The following CIT variants were observed in gnomAD, a reference collection of about 807,000 sequenced individuals.
CIT encodes citron rho-interacting serine/threonine kinase, also known as citron Rho-interacting kinase.
A neutral mutation model predicts 272.7 loss-of-function variants in CIT; 79 were observed. That is an observed-to-expected ratio of 0.29 (90% confidence interval 0.24 to 0.35). The LOEUF (loss-of-function observed/expected upper bound fraction) is 0.35, where lower values mean the gene tolerates loss of function less well. Among genes scored for constraint, CIT ranks in the 10% least tolerant of loss-of-function variants. CIT has a pLI of 1.00. For missense variants in CIT, 1,909 were observed against 2,618.3 expected (o/e 0.73, Z 5.91); for synonymous variants, 948 against 995.6 (o/e 0.95, Z 0.90).
At chr12:119,829,261 C>T (rs1009408342) in intron 7 of CIT, among the ~76,000 whole-genome samples, 5 of 151,852 alleles carry the variant, frequency 3.3e-5, no homozygotes, top group African/African-American at 1.2e-4. Flanking sequence ...TCTCTTGAAC[C>T]CAGGAGGCGG....
chr12:119,745,899 C>T (rs1959320169), intron 23 of CIT, among the ~76,000 whole-genome samples: 1 of 152,186 alleles, frequency 6.6e-6, no homozygotes, highest in African/African-American at 2.4e-5. Context: ...GAATTGACTT[C>T]CTAAATAACT....
intron 23 of CIT, among the ~76,000 whole-genome samples, chr12:119,746,224 T>G (rs1310857180): frequency 6.6e-6 from 1 of 152,170 alleles, no homozygotes; most frequent in African/African-American, 2.4e-5. Context: ...AATTTTTTCC[T>G]TAAAATGCCA....
chr12:119,745,871 A>G (rs1959314647), intron 23 of CIT, among the ~76,000 whole-genome samples: 1 of 152,258 alleles, frequency 6.6e-6, no homozygotes, highest in Admixed American at 6.5e-5. Context: ...AGATTTATAA[A>G]TAAAAAGTTA....
At chr12:119,734,471 C>T (rs556926612) in intron 25 of CIT, 114 bp from the exon 26 acceptor site, 14 of 1,154,000 alleles carry the variant, frequency 1.2e-5, no homozygotes, top group Middle Eastern at 1.9e-4. Context: ...GTTTGAAATG[C>T]GGTTTGTCTT....
At chr12:119,854,949 T>A (rs1480477398) in intron 4 of CIT, among the ~76,000 whole-genome samples, 115 of 148,488 alleles carry the variant, frequency 7.7e-4, no homozygotes, top group Non-Finnish European at 3.5e-4. Context: ...AGACTCATTC[T>A]CTAAATAAAT....
intron 24 of CIT, 36 bp from the exon 25 acceptor site, chr12:119,735,393 A>G: frequency 6.3e-7 from 1 of 1,598,842 alleles, no homozygotes; most frequent in Non-Finnish European, 8.6e-7. Context: ...CACGCCAAGC[A>G]CATTCATTTC....
chr12:119,845,776 C>A (rs1969757533), intron 5 of CIT, among the ~76,000 whole-genome samples: 1 of 151,608 alleles, frequency 6.6e-6, no homozygotes, highest in African/African-American at 2.4e-5. Flanking sequence ...GTGGTGAAAC[C>A]CCATCTCTAC....
At chr12:119,816,144 G>A (rs969369875) in intron 9 of CIT, among the ~76,000 whole-genome samples, 1 of 152,110 alleles carries the variant, frequency 6.6e-6, no homozygotes, top group African/African-American at 2.4e-5. Flanking sequence ...TCAATAAATG[G>A]CATGGTAATA....
chr12:119,865,344 C>T (rs567390791), intron 3 of CIT, among the ~76,000 whole-genome samples: 3 of 152,284 alleles, frequency 2.0e-5, no homozygotes, highest in South Asian at 4.1e-4. Flanking sequence ...CCCTCCCACT[C>T]GCTACTTATA....
At chr12:119,702,038 A>G in intron 41 of CIT, 80 bp from the exon 42 acceptor site, 1 of 1,029,996 alleles carries the variant, frequency 9.7e-7, no homozygotes. Flanking sequence ...GCTTCTGCCT[A>G]CAGCATCTAG....
intron 40 of CIT, among the ~76,000 whole-genome samples, chr12:119,707,257 AT>A (rs1456327585): frequency 6.6e-6 from 1 of 152,106 alleles, no homozygotes; most frequent in Non-Finnish European, 1.5e-5. Flanking sequence ...TTTTATTCCC[AT>A]TTTGCTCTCA....
At chr12:119,796,558 G>A (rs1047003532) in intron 10 of CIT, among the ~76,000 whole-genome samples, 4 of 152,226 alleles carry the variant, frequency 2.6e-5, no homozygotes, top group African/African-American at 9.6e-5. Flanking sequence ...GTGGCTTACT[G>A]AGTGAGCGAG....
intron 23 of CIT, 23 bp from the exon 24 acceptor site, chr12:119,742,487 TA>T: frequency 1.3e-6 from 2 of 1,588,890 alleles, no homozygotes; most frequent in Non-Finnish European, 1.7e-6. Flanking sequence ...AAGTTGATTA[TA>T]AATTTTTCAT....
At chr12:119,785,565 CTT>C (rs35722685) in intron 10 of CIT, among the ~76,000 whole-genome samples, 39 of 148,580 alleles carry the variant, frequency 2.6e-4, no homozygotes, top group Non-Finnish European at 4.5e-4. Context: ...TCATCCCGGA[CTT>C]TTTTTTTTTT....
intron 9 of CIT, among the ~76,000 whole-genome samples, chr12:119,819,923 C>T (rs1204210523): frequency 6.6e-6 from 1 of 152,148 alleles, no homozygotes; most frequent in Non-Finnish European, 1.5e-5. Context: ...GGAAAATTTG[C>T]TAGGAGACAC....
intron 10 of CIT, among the ~76,000 whole-genome samples, chr12:119,797,065 A>G (rs1306675709): frequency 6.6e-6 from 1 of 152,212 alleles, no homozygotes; most frequent in Non-Finnish European, 1.5e-5. Context: ...CAAGCAAAGC[A>G]AAAAGAACTA....
chr12:119,717,414 C>CTTTTTTTTTTTTTTTTTTTT lies in CIT; in HGVS notation c.4168+830_4168+831insAAAAAAAAAAAAAAAAAAAA, dbSNP rs765763044. Among the ~76,000 whole-genome samples, 30 of 109,454 alleles carry CTTTTTTTTTTTTTTTTTTTT rather than the reference C, an allele frequency of 2.7e-4. 3 individuals are homozygous for CTTTTTTTTTTTTTTTTTTTT. The highest frequency in any genetic ancestry group is 7.8e-4 in the African/African-American group (20 of 25,558). The allele number at this position is 109,454 out of a possible 152,430, so 71.8% of individuals were successfully genotyped here. A position where few individuals can be genotyped will look rare whatever the true frequency, so the allele number is the denominator to read the frequency against. ...ATTTTTTCATATTCTTTTTTCTTTT[C>CTTTTTTTTTTTTTTTTTTTT]TTTTCTTTTTTTTTTTTTTTTTTTG... On this transcript the variant is annotated intron_variant, in intron 32 of 47. Transcript: ENST00000392521.
At chr12:119,800,091 T>G (rs1966063147) in intron 10 of CIT, among the ~76,000 whole-genome samples, 1 of 152,164 alleles carries the variant, frequency 6.6e-6, no homozygotes, top group South Asian at 2.1e-4. Flanking sequence ...AGATCTATTT[T>G]ATTTTTAAAA....
chr12:119,871,712 C>T (rs1950684511), intron 2 of CIT, among the ~76,000 whole-genome samples: 1 of 152,072 alleles, frequency 6.6e-6, no homozygotes, highest in African/African-American at 2.4e-5. Context: ...AAAAAATTAG[C>T]CAGGTGTAGT....
Sources: gnomAD v4.1 joint callset for allele counts (sites outside exome capture counted in the v4.1 genomes callset) on GRCh38, gnomAD v4.1.1 for gene constraint, MANE v1.5 for transcripts, NCBI Gene and HGNC (gene_info 2026-07-23, HGNC 2026-07-21) for gene names.